DDI2: variants seen among roughly 807,000 people sequenced by gnomAD.
DDI2 encodes the protein protein DDI1 homolog 2.
A neutral mutation model predicts 48.1 loss-of-function variants in DDI2; 5 were observed. The observed-to-expected ratio is 0.10, with a 90% CI of 0.05 to 0.22. The LOEUF is 0.22. Ranked by LOEUF, DDI2 falls within the 10% of genes least tolerant of loss-of-function variation. The probability of loss-of-function intolerance (pLI) is 1.00; values close to 1 mark genes in which losing one functional copy is unlikely to be tolerated. For synonymous variants in DDI2, 205 were observed against 183.6 expected (o/e 1.12, Z -0.94); for missense variants, 285 against 506.2 (o/e 0.56, Z 4.19).
chr1:15,661,826 A>G lies in DDI2; in HGVS notation c.*2036A>G. The G allele has an allele frequency of 1.5e-6, 2 of 1,346,200 alleles. No individual in the cohort carries two copies. The highest frequency in any genetic ancestry group is 2.7e-5 in the East Asian group (1 of 37,002). The allele number at this position is 1,346,200 out of a possible 1,614,324, so 83.4% of individuals were successfully genotyped here. A position where few individuals can be genotyped will look rare whatever the true frequency, so the allele number is the denominator to read the frequency against. ...CACTCACCACATATACAGTATATAT[A>G]GAAACCTGCAAGCAGAATGTTGAGC... On this transcript the variant is annotated 3_prime_UTR_variant, in exon 10 of 10. Transcript: ENST00000480945.
chr1:15,654,828 A>T (rs921425353), intron 8 of DDI2, among the ~76,000 whole-genome samples: 3 of 152,180 alleles, frequency 2.0e-5, no homozygotes, highest in African/African-American at 7.2e-5. Flanking sequence ...GTAAGCTTGA[A>T]TGAATTTGAC....
At chr1:15,627,274 A>C (rs982880633) in intron 2 of DDI2, among the ~76,000 whole-genome samples, 2 of 152,130 alleles carry the variant, frequency 1.3e-5, no homozygotes, top group Non-Finnish European at 2.9e-5. Context: ...TTTACATACT[A>C]ATTTGCATAA....
rs138904592 is a variant in DDI2 at position 15,661,280 on chromosome 1, G to A, written c.*1490G>A. 9.2e-5 allele frequency: 149 copies of A among 1,614,072 alleles called. No individual in the cohort carries two copies. Among genetic ancestry groups the A allele is most frequent in the Middle Eastern group, 4.9e-4 (3 of 6,062 alleles). On this transcript the variant is annotated 3_prime_UTR_variant, in exon 10 of 10. Transcript: ENST00000480945. ...TCTAGGGAATCCATAAATAAGAACC[G>A]TTCTGTCACTGTAACCTCAGCTAAA...
At chr1:15,643,178 A>T (rs1157634372) in intron 5 of DDI2, among the ~76,000 whole-genome samples, 2 of 152,232 alleles carry the variant, frequency 1.3e-5, no homozygotes, top group Admixed American at 1.3e-4. Flanking sequence ...CGGCTTAGAG[A>T]TACTCGGTAA....
intron 4 of DDI2, 88 bp from the exon 5 acceptor site, chr1:15,638,219 A>G: frequency 6.3e-7 from 1 of 1,588,340 alleles, no homozygotes; most frequent in African/African-American, 1.4e-5. Context: ...AGATATGTAC[A>G]AATCTGTTTT....
chr1:15,624,332 A>T lies in DDI2; in HGVS notation c.139-2337A>T, dbSNP rs372409480. ...AAGCAGTCTCACAAGTTATAATATG[A>T]CTCTCAGTTGTTTTGCTGAAATTCT... is the stretch of plus-strand genomic sequence containing the variant. On this transcript the variant is annotated intron_variant, in intron 1 of 9. Coordinates refer to ENST00000480945, the MANE Select transcript of DDI2 (RefSeq NM_032341.5). 8.4e-4 allele frequency among the ~76,000 whole-genome samples: 127 copies of T among 151,808 alleles called. 1 individual carries two copies. The South Asian group carries it at 0.025, about 30-fold the overall frequency.
intron 5 of DDI2, 96 bp downstream of exon 5, chr1:15,638,530 C>CTTTTTT (rs775059343): frequency 1.9e-5 from 11 of 573,170 alleles, no homozygotes; most frequent in South Asian, 4.9e-5. Context: ...GATGGCTGTA[C>CTTTTTT]TTTTTTTTTT....
At position 15,643,641 on chromosome 1, in the gene DDI2, G is replaced by A. The variant is rs1640043210; in HGVS notation, c.880G>A (p.Val294Ile). 1.9e-6 allele frequency: 3 copies of A among 1,614,026 alleles called. No individual in the cohort carries two copies. The highest frequency in any genetic ancestry group is 2.2e-5 in the South Asian group (2 of 91,076). ...GVGTQKIIGRVHLAQVQIEGD... is the reference protein window; with the variant it reads ...GVGTQKIIGRIHLAQVQIEGD... ...GGGCACCCAGAAGATTATTGGAAGG[G>A]TACATCTAGGTGAGCAAAAGGCACT... Residue 294 changes from valine (V) to isoleucine (I), a missense_variant, in exon 6 of 10, where the codon GTA (valine) becomes ATA (isoleucine). Val to Ile is a conservative substitution (Grantham distance 29, BLOSUM62 3). Around this residue, in one of 3 missense-constraint regions of DDI2, gnomAD observed 70 missense variants for 182.3 expected, o/e 0.38. Coordinates refer to ENST00000480945, the MANE Select transcript of DDI2 (RefSeq NM_032341.5).
At position 15,656,689 on chromosome 1, in the gene DDI2, G is replaced by A; in HGVS notation, c.*46+10G>A. 1 of 1,614,000 alleles carries A rather than the reference G, an allele frequency of 6.2e-7. No homozygotes were observed. Among genetic ancestry groups the A allele is most frequent in the Non-Finnish European group, 8.5e-7 (1 of 1,179,920 alleles). On this transcript the variant is annotated intron_variant, in intron 9 of 9. Transcript: ENST00000480945. ...GTGGGCCCCAGACCAGGTATTTATA[G>A]ACACCATGTTAAGCCTTCCATCCAG...
At chr1:15,656,863 C>G (rs939001775) in intron 9 of DDI2, 184 bp downstream of exon 9, 1 of 752,128 alleles carries the variant, frequency 1.3e-6, no homozygotes, top group African/African-American at 1.8e-5. Flanking sequence ...ACATAAACTC[C>G]TGTTTAAAAA....
Position 15,633,560 on chromosome 1 carries a change from T to C in DDI2, c.627T>C (p.Asp209=), listed in dbSNP as rs1557615306. The change falls in exon 4 of 10, where the codon GAT becomes GAC. Residue 209 remains aspartate, a synonymous_variant. Coordinates refer to ENST00000480945, the MANE Select transcript of DDI2 (RefSeq NM_032341.5). ...DLEAQAKIEE[D]IRQQNIEENM... Reference sequence around the variant, plus strand: ...AAGCTCAGGCAAAGATAGAAGAAGATATAAGGTAAAGACCTGTTCATCTAA... The same window carrying C: ...AAGCTCAGGCAAAGATAGAAGAAGACATAAGGTAAAGACCTGTTCATCTAA... 1.2e-6 allele frequency: 2 copies of C among 1,612,510 alleles called. No individual in the cohort carries two copies. Among genetic ancestry groups the C allele is most frequent in the African/African-American group, 2.7e-5 (2 of 74,972 alleles).
chr1:15,660,194 A>T lies in DDI2; in HGVS notation c.*404A>T, dbSNP rs1345120329. 6.2e-7 allele frequency: 1 copy of T among 1,614,234 alleles called. No homozygotes were observed. Among genetic ancestry groups the T allele is most frequent in the Admixed American group, 1.7e-5 (1 of 60,034 alleles). On this transcript the variant is annotated 3_prime_UTR_variant, in exon 10 of 10. Transcript: ENST00000480945. ...TCCGAAGAAATAACTGTTGCAGGTA[A>T]TCTGGAGAAATCTGCTGAAAGAAGC...
At chr1:15,623,831 C>T (rs55824149) in intron 1 of DDI2, among the ~76,000 whole-genome samples, 48,510 of 151,786 alleles carry the variant, frequency 0.32, 8,469 homozygotes, top group African/African-American at 0.43. Context: ...GAGGCCAAGG[C>T]GGGCAGATCA....
At chr1:15,624,919 G>A (rs536811850) in intron 1 of DDI2, among the ~76,000 whole-genome samples, 3 of 152,214 alleles carry the variant, frequency 2.0e-5, no homozygotes, top group East Asian at 3.9e-4. Flanking sequence ...TTAACTCAGC[G>A]AGTTGAGCAT....
At chr1:15,641,830 A>C (rs7515078) in intron 5 of DDI2, among the ~76,000 whole-genome samples, 53,912 of 151,194 alleles carry the variant, frequency 0.36, 11,287 homozygotes, top group African/African-American at 0.58. Context: ...TGGCACTTGC[A>C]TGTAATCCCA....
At position 15,617,703 on chromosome 1, in the gene DDI2, C is replaced by T. The variant is rs138288509; in HGVS notation, c.33C>T (p.Asp11=). 85 of 1,608,892 alleles carry T rather than the reference C, an allele frequency of 5.3e-5. No homozygotes were observed. In the African/African-American group the frequency reaches 7.1e-4, roughly 13 times the overall value. Residue 11 remains aspartate, a synonymous_variant, in exon 1 of 10, where the codon GAC becomes GAT. Coordinates refer to ENST00000480945, the MANE Select transcript of DDI2 (RefSeq NM_032341.5). ...TCACCGTGTACTGTGTGCGGAGGGACCTCTCCGAGGTGACCTTTTCCCTCC... is the reference window on the plus strand; with the variant it reads ...TCACCGTGTACTGTGTGCGGAGGGATCTCTCCGAGGTGACCTTTTCCCTCC... MLLTVYCVRR[D]LSEVTFSLQV... is the part of the protein sequence containing the mutation.
chr1:15,622,986 A>G (rs542964833), intron 1 of DDI2, among the ~76,000 whole-genome samples: 42 of 152,312 alleles, frequency 2.8e-4, no homozygotes, highest in African/African-American at 9.9e-4. Context: ...AACATTTCAT[A>G]TTTCATAGAC....
intron 3 of DDI2, among the ~76,000 whole-genome samples, chr1:15,632,927 TTTTTAAAAA>T (rs1438818383): frequency 1.2e-4 from 15 of 121,756 alleles, no homozygotes; most frequent in South Asian, 7.8e-4. Flanking sequence ...TTTTTTTTTT[TTTTTAAAAA>T]AAAAAAAACA....
At position 15,627,402 on chromosome 1, in the gene DDI2, A is replaced by C. The variant is rs185571592; in HGVS notation, c.268+604A>C. ...TTCCATTATGCTGAACTTGATAAAC[A>C]TTAAGCAGCTTGACCACCAAGTTGT... On this transcript the variant is annotated intron_variant, in intron 2 of 9. Transcript: ENST00000480945. Among the ~76,000 whole-genome samples, 34 of 152,374 alleles carry C rather than the reference A, an allele frequency of 2.2e-4. No homozygotes were observed. The East Asian group carries it at 6.2e-3, about 28-fold the overall frequency.
Sources: allele counts gnomAD v4.1 joint callset (sites outside exome capture counted in the v4.1 genomes callset), GRCh38; gene constraint gnomAD v4.1.1; regional missense constraint gnomAD v4.1.1; transcripts MANE v1.5; gene names NCBI Gene and HGNC (gene_info 2026-07-23, HGNC 2026-07-21).